GLI2: variants seen among roughly 807,000 people sequenced by gnomAD.
GLI2 encodes GLI family zinc finger 2, also known as transcription activator GLI2.
GLI2 carries 22 observed loss-of-function variants against 78.9 expected under a neutral mutation model. That is an observed-to-expected ratio of 0.28 (90% confidence interval 0.20 to 0.40). The LOEUF is 0.40. Ranked by LOEUF, GLI2 falls within the 10% of genes least tolerant of loss-of-function variation. The pLI is 1.00. For missense variants in GLI2, 2,097 were observed against 2,213.2 expected, an observed-to-expected ratio of 0.95 and a Z score of 1.05; for synonymous variants, 974 against 963.7, an observed-to-expected ratio of 1.01 and a Z score of -0.20.
chr2:120,817,720 C>A (rs1311556712), intron 2 of GLI2, among the ~76,000 whole-genome samples: 1 of 152,208 alleles, frequency 6.6e-6, no homozygotes, highest in Non-Finnish European at 1.5e-5. Flanking sequence ...TGCTCATCCA[C>A]TGGCCTGCCT....
intron 2 of GLI2, among the ~76,000 whole-genome samples, chr2:120,865,120 G>A (rs865847942): frequency 2.6e-5 from 4 of 152,190 alleles, no homozygotes; most frequent in African/African-American, 4.8e-5. Flanking sequence ...GGTAGTATCC[G>A]GGGCTGGGGA....
chr2:120,851,212 G>C (rs1474269407), intron 2 of GLI2, among the ~76,000 whole-genome samples: 1 of 152,170 alleles, frequency 6.6e-6, no homozygotes, highest in South Asian at 2.1e-4. Context: ...GAACTCATTG[G>C]GGGTGGACTC....
intron 2 of GLI2, among the ~76,000 whole-genome samples, chr2:120,825,579 G>A (rs114761837): frequency 0.043 from 6,368 of 147,430 alleles, 452 homozygotes; most frequent in African/African-American, 0.15. Context: ...CCTGGCTGTG[G>A]GTGTGCACCT....
At chr2:120,750,549 A>G (rs1399011432) in intron 1 of GLI2, among the ~76,000 whole-genome samples, 1 of 152,220 alleles carries the variant, frequency 6.6e-6, no homozygotes, top group African/African-American at 2.4e-5. Context: ...TGAGACAATT[A>G]CCTGGCGCAT....
At position 120,800,331 on chromosome 2, in the gene GLI2, C is replaced by A. The variant is rs1684639567; in HGVS notation, c.148+2863C>A. On this transcript the variant is annotated intron_variant, in intron 2 of 13. Transcript: ENST00000361492. This position sits in a 1 kb window ranked among gnomAD's most constrained non-coding sequence, Gnocchi z 4.1. The stretch of plus-strand genomic sequence containing the variant: ...GAGGCCTGTTTGCTGGGGGCAGGAG[C>A]AGACTGAGTCGACTCCCCTGTTGCT... Among the ~76,000 whole-genome samples, 2 of 152,018 alleles carry A rather than the reference C, an allele frequency of 1.3e-5. No homozygotes were observed. Among genetic ancestry groups the A allele is most frequent in the Non-Finnish European group, 2.9e-5 (2 of 67,978 alleles).
intron 2 of GLI2, among the ~76,000 whole-genome samples, chr2:120,817,312 C>T (rs980212936): frequency 2.6e-5 from 4 of 152,190 alleles, no homozygotes; most frequent in Non-Finnish European, 5.9e-5. Flanking sequence ...GGGTCTCTCC[C>T]CCAGCTCCCA....
At chr2:120,855,923 G>T (rs1386002421) in intron 2 of GLI2, among the ~76,000 whole-genome samples, 1 of 152,158 alleles carries the variant, frequency 6.6e-6, no homozygotes, top group Non-Finnish European at 1.5e-5. Flanking sequence ...GGTTCATTAA[G>T]GAAAATCAGT....
At chr2:120,887,209 C>G (rs78334144) in intron 2 of GLI2, among the ~76,000 whole-genome samples, 1 of 152,188 alleles carries the variant, frequency 6.6e-6, no homozygotes, top group Admixed American at 6.5e-5. Context: ...GAGCACCCCC[C>G]GCCCACAAGA....
rs148687605 is a variant in GLI2 at position 120,825,518 on chromosome 2, TGTGA to T, written c.148+28054_148+28057del. Among the ~76,000 whole-genome samples, 742 of 149,218 alleles carry T rather than the reference TGTGA, an allele frequency of 5.0e-3. 3 individuals are homozygous for T. The highest frequency in any genetic ancestry group is 8.4e-3 in the Non-Finnish European group (564 of 67,330). ...ACCTGGCTGTGGGTGTGCACCTGAC[TGTGA>T]GTGTGTGCCTAGCTGTAAGGAGTGT... is the stretch of plus-strand genomic sequence containing the variant. On this transcript the variant is annotated intron_variant, in intron 2 of 13. Transcript: ENST00000361492.
At chr2:120,774,633 C>G (rs566844928) in intron 1 of GLI2, among the ~76,000 whole-genome samples, 1 of 152,314 alleles carries the variant, frequency 6.6e-6, no homozygotes, top group Admixed American at 6.5e-5. Context: ...AATAAAACCC[C>G]TGTTCTTGAC....
intron 2 of GLI2, among the ~76,000 whole-genome samples, chr2:120,806,133 G>T (rs1023699247): frequency 2.6e-5 from 4 of 152,174 alleles, no homozygotes; most frequent in African/African-American, 9.7e-5. Context: ...ATTGCTAATA[G>T]AACCATTTAT....
intron 2 of GLI2, among the ~76,000 whole-genome samples, chr2:120,833,192 C>T (rs1342082669): frequency 6.6e-6 from 1 of 151,960 alleles, no homozygotes; most frequent in African/African-American, 2.4e-5. Flanking sequence ...CTTTCTTCCT[C>T]GGCTTGTGCC....
At position 120,984,569 on chromosome 2, in the gene GLI2, C is replaced by T. The variant is rs750428234; in HGVS notation, c.1731C>T (p.His577=). 47 of 1,614,122 alleles carry T rather than the reference C, an allele frequency of 2.9e-5. No individual in the cohort carries two copies. Among genetic ancestry groups the T allele is most frequent in the South Asian group, 6.6e-5 (6 of 91,090 alleles). The change falls in exon 12 of 14, where the codon CAC becomes CAT. Residue 577 remains histidine, a synonymous_variant. Transcript: ENST00000361492. The part of the protein sequence containing the change: ...HVKTVHGPDA[H]VTKKQRNDVH... Reference sequence around the variant, plus strand: ...AAACGGTCCACGGCCCAGATGCCCACGTCACCAAGAAGCAGCGCAATGACG... The same window carrying T: ...AAACGGTCCACGGCCCAGATGCCCATGTCACCAAGAAGCAGCGCAATGACG...
chr2:120,892,526 G>A (rs1203562128), intron 2 of GLI2, among the ~76,000 whole-genome samples: 1 of 152,224 alleles, frequency 6.6e-6, no homozygotes. Flanking sequence ...TGTGGCAGGA[G>A]CCATCATGCT....
At chr2:120,831,726 C>T (rs969008844) in intron 2 of GLI2, among the ~76,000 whole-genome samples, 2 of 152,130 alleles carry the variant, frequency 1.3e-5, no homozygotes, top group Non-Finnish European at 2.9e-5. Flanking sequence ...GGTCTGGTGG[C>T]TGGGAGTGTG....
Position 120,990,482 on chromosome 2 carries a change from G to A in GLI2, c.4517G>A (p.Ser1506Asn). ...ATCATGGATGATGGCGATCACTCGAGTTTGTTCTCGGGTGCTCTGAGCCCC... is the reference window on the plus strand; with the variant it reads ...ATCATGGATGATGGCGATCACTCGAATTTGTTCTCGGGTGCTCTGAGCCCC... ...DAIMDDGDHS[S>N]LFSGALSPSL... is the part of the protein sequence containing the mutation. The change falls in exon 14 of 14, where the codon AGT becomes AAT. Residue 1506 changes from serine (S) to asparagine (N), a missense_variant. Ser to Asn is a conservative substitution (Grantham distance 46). Coordinates refer to ENST00000361492, the MANE Select transcript of GLI2 (RefSeq NM_001374353.1). 1 of 1,614,014 alleles carries A rather than the reference G, an allele frequency of 6.2e-7. No homozygotes were observed. The highest frequency in any genetic ancestry group is 8.5e-7 in the Non-Finnish European group (1 of 1,179,982).
At chr2:120,883,538 G>T (rs1200158262) in intron 2 of GLI2, among the ~76,000 whole-genome samples, 2 of 152,148 alleles carry the variant, frequency 1.3e-5, no homozygotes, top group African/African-American at 2.4e-5. Context: ...GAAGACAGCC[G>T]CACTGTACAG....
At chr2:120,813,785 A>G (rs1685369888) in intron 2 of GLI2, among the ~76,000 whole-genome samples, 1 of 152,218 alleles carries the variant, frequency 6.6e-6, no homozygotes, top group Non-Finnish European at 1.5e-5. Context: ...TGAGAAGGTC[A>G]TGTTCAGCTT....
intron 1 of GLI2, among the ~76,000 whole-genome samples, chr2:120,768,251 C>A (rs1260237434): frequency 6.6e-6 from 1 of 152,214 alleles, no homozygotes; most frequent in Non-Finnish European, 1.5e-5. Flanking sequence ...ATCTTCACAG[C>A]TGCCCTATGC....
Sources: allele counts gnomAD v4.1 joint callset (sites outside exome capture counted in the v4.1 genomes callset), GRCh38; gene constraint gnomAD v4.1.1; non-coding constraint Gnocchi (gnomAD v3.1); transcripts MANE v1.5; gene names NCBI Gene and HGNC (gene_info 2026-07-23, HGNC 2026-07-21).